The following PARVG variants were observed in gnomAD, a reference collection of about 807,000 sequenced individuals.
The protein encoded by PARVG is parvin gamma.
Under a neutral mutation model 44.4 loss-of-function variants are expected in PARVG, and 36 were observed. The observed-to-expected ratio is 0.81, with a 90% CI of 0.62 to 1.07. The LOEUF is 1.07. PARVG is among the 50% of genes least tolerant of loss of function. The pLI is 0.00. For missense variants in PARVG, 407 were observed against 407.4 expected, an observed-to-expected ratio of 1.00 and a Z score of 0.01; for synonymous variants, 170 against 174.1, an observed-to-expected ratio of 0.98 and a Z score of 0.19.
chr22:44,193,543 C>T (rs1420523562), intron 8 of PARVG, among the ~76,000 whole-genome samples: 8 of 152,070 alleles, frequency 5.3e-5, no homozygotes, highest in Admixed American at 2.6e-4. Context: ...GAACAGAACA[C>T]GAACAACAAA....
Position 44,182,513 on chromosome 22 carries a change from C to A in PARVG, c.-13+596C>A, listed in dbSNP as rs1194912553. ...CTGGTGTGACATGGGTGGCTCCAGT[C>A]GAGTGAATGCCTCCGTCTCCCACAG... On this transcript the variant is annotated intron_variant, in intron 2 of 13. Transcript: ENST00000444313. The surrounding 1 kb of genome is among the most constrained non-coding windows in gnomAD (Gnocchi z 4.6). Among the ~76,000 whole-genome samples the A allele has an allele frequency of 2.0e-5, 3 of 152,102 alleles. No individual in the cohort carries two copies. The highest frequency in any genetic ancestry group is 4.4e-5 in the Non-Finnish European group (3 of 67,996).
At chr22:44,186,867 G>A (rs1224072795) in intron 4 of PARVG, 8 of 352,734 alleles carry the variant, frequency 2.3e-5, no homozygotes, top group Admixed American at 3.6e-5. Context: ...CCCAAGGGGC[G>A]ATGGAGCTGG....
In PARVG at chr22:44,207,572, C is replaced by G. The variant is rs896394797; in HGVS notation, c.*1146C>G. 6.6e-5 allele frequency: 10 copies of G among 151,526 alleles called. No homozygotes were observed. The highest frequency in any genetic ancestry group is 4.6e-4 in the Admixed American group (7 of 15,204). 9.4% of individuals were successfully genotyped at this position (151,526 alleles called of 1,614,324 possible). A position where few individuals can be genotyped will look rare whatever the true frequency, so the allele number is the denominator to read the frequency against. ...TCCTCCCTGGACCCTGAAGAGGCCT[C>G]TGGGTCTGGGGTTTTCACAGTTTGA... is the stretch of plus-strand genomic sequence containing the variant. On this transcript the variant is annotated 3_prime_UTR_variant, in exon 14 of 14. Transcript: ENST00000444313.
At chr22:44,193,871 T>G in intron 9 of PARVG, 48 bp downstream of exon 9, 2 of 1,605,588 alleles carry the variant, frequency 1.2e-6, no homozygotes, top group Non-Finnish European at 1.7e-6. Flanking sequence ...CTGATGCGTG[T>G]TAATGCAGAC....
rs541208512 is a variant in PARVG at position 44,193,836 on chromosome 22, A to T, written c.583+13A>T. 2.5e-6 allele frequency: 4 copies of T among 1,614,142 alleles called. No individual in the cohort carries two copies. The African/African-American group carries it at 5.3e-5, about 22-fold the overall frequency. On this transcript the variant is annotated intron_variant, in intron 9 of 13. Transcript: ENST00000444313. Reference sequence around the variant, plus strand: ...GACGAGCCTCCAAGTGAGTACTTTCATCATTTTTGGAAATCTGTTCCTATC... The same window carrying T: ...GACGAGCCTCCAAGTGAGTACTTTCTTCATTTTTGGAAATCTGTTCCTATC...
chr22:44,173,121 A>C, exon 1 of PARVG: 1 of 1,288,940 alleles, frequency 7.8e-7, no homozygotes, highest in Non-Finnish European at 1.0e-6. Flanking sequence ...TTTGTGGGGG[A>C]TGGGACTTTG....
chr22:44,206,527 G>A lies in PARVG; in HGVS notation c.*101G>A, dbSNP rs1433967755. On this transcript the variant is annotated 3_prime_UTR_variant, in exon 14 of 14. Coordinates refer to ENST00000444313, the MANE Select transcript of PARVG (RefSeq NM_022141.7). The stretch of plus-strand genomic sequence containing the variant: ...CAGTCCCGCTGTTTCCTGTGCATTC[G>A]TGACCCGCTTCCCTCCCACCCTGTC... The A allele has an allele frequency of 2.1e-5, 21 of 1,000,346 alleles. No homozygotes were observed. Among genetic ancestry groups the A allele is most frequent in the Non-Finnish European group, 3.1e-5 (20 of 640,360 alleles). The allele number at this position is 1,000,346 out of a possible 1,614,324, so 62.0% of individuals were successfully genotyped here. A position where few individuals can be genotyped will look rare whatever the true frequency, so the allele number is the denominator to read the frequency against.
chr22:44,181,400 G>A, intron 1 of PARVG: 1 of 985,568 alleles, frequency 1.0e-6, no homozygotes, highest in Non-Finnish European at 1.2e-6. Flanking sequence ...TCCCGGGAGA[G>A]GAAGGGGCCT....
chr22:44,176,721 T>A (rs904363071), upstream of PARVG, among the ~76,000 whole-genome samples: 3 of 152,118 alleles, frequency 2.0e-5, no homozygotes, highest in African/African-American at 7.2e-5. Context: ...TACAAAGAGT[T>A]CCTATGTGTA....
chr22:44,183,409 G>T lies in PARVG; in HGVS notation c.79+1G>T, dbSNP rs779565498. The T allele has an allele frequency of 2.5e-6, 4 of 1,598,394 alleles. No homozygotes were observed. Among genetic ancestry groups the T allele is most frequent in the Non-Finnish European group, 3.4e-6 (4 of 1,174,900 alleles). On this transcript the variant is annotated splice_donor_variant, in intron 3 of 13. Coordinates refer to ENST00000444313, the MANE Select transcript of PARVG (RefSeq NM_022141.7). LOFTEE classifies it high-confidence loss of function. Reference sequence around the variant, plus strand: ...CCAGCGGAGGAGGAGCTCTCAAAAGGTGTGTGCCCACGCAGGTCTGAGGGT... The same window carrying T: ...CCAGCGGAGGAGGAGCTCTCAAAAGTTGTGTGCCCACGCAGGTCTGAGGGT...
chr22:44,176,301 A>G (rs1307249753), upstream of PARVG, among the ~76,000 whole-genome samples: 1 of 152,250 alleles, frequency 6.6e-6, no homozygotes, highest in African/African-American at 2.4e-5. Flanking sequence ...TAAATTACTT[A>G]TGATACCTAA....
chr22:44,203,825 G>A (rs2054743169), intron 12 of PARVG, among the ~76,000 whole-genome samples: 1 of 152,120 alleles, frequency 6.6e-6, no homozygotes. Context: ...ACCCCGCATT[G>A]GCCCCTGCAG....
chr22:44,183,148 AG>A, intron 2 of PARVG, 169 bp from the exon 3 acceptor site: 2 of 570,268 alleles, frequency 3.5e-6, no homozygotes, highest in Non-Finnish European at 6.0e-6. Flanking sequence ...GGTTGGCTCA[AG>A]GGCTCTTTCT....
rs771224475 is a variant in PARVG, at chr22:44,186,605, C to T, written c.144+733C>T. 13 of 471,246 alleles carry T rather than the reference C, an allele frequency of 2.8e-5. 1 individual carries two copies. Among genetic ancestry groups the T allele is most frequent in the South Asian group, 2.0e-4 (13 of 64,574 alleles). The allele number at this position is 471,246 out of a possible 1,614,324, so 29.2% of individuals were successfully genotyped here. Reference sequence around the variant, plus strand: ...ACCTGGCCCAGCCCTGTGACTGGCACTGGGGACACCATCTGTGGTCTTGCC... The same window carrying T: ...ACCTGGCCCAGCCCTGTGACTGGCATTGGGGACACCATCTGTGGTCTTGCC... On this transcript the variant is annotated intron_variant, in intron 4 of 13. Transcript: ENST00000444313.
In PARVG at chr22:44,185,523, A is replaced by G. The variant is rs5764592; in HGVS notation, c.80-285A>G. 0.15 allele frequency: 44,663 copies of G among 305,248 alleles called. 4,755 individuals are homozygous for G. Among genetic ancestry groups the G allele is most frequent in the East Asian group, 0.33 (4,216 of 12,906 alleles). The allele number at this position is 305,248 out of a possible 1,614,324, so 18.9% of individuals were successfully genotyped here. ...TCTGGCTGGGGTTTCACTTTACCTA[A>G]ATAGGTAGGGTTGCCAGATATATCA... On this transcript the variant is annotated intron_variant, in intron 3 of 13. Transcript: ENST00000444313.
chr22:44,206,506 C>T lies in PARVG; in HGVS notation c.*80C>T. Reference sequence around the variant, plus strand: ...AGGCTGCAGGGTGTCCTCCCACAGTCCCGCTGTTTCCTGTGCATTCGTGAC... The same window carrying T: ...AGGCTGCAGGGTGTCCTCCCACAGTTCCGCTGTTTCCTGTGCATTCGTGAC... On this transcript the variant is annotated 3_prime_UTR_variant, in exon 14 of 14. Transcript: ENST00000444313. 8.0e-7 allele frequency: 1 copy of T among 1,255,602 alleles called. No homozygotes were observed. The highest frequency in any genetic ancestry group is 1.8e-5 in the Admixed American group (1 of 55,800). 77.8% of individuals were successfully genotyped at this position (1,255,602 alleles called of 1,614,324 possible).
At chr22:44,195,108 A>G (rs953363980) in intron 9 of PARVG, among the ~76,000 whole-genome samples, 5 of 152,130 alleles carry the variant, frequency 3.3e-5, no homozygotes, top group African/African-American at 1.2e-4. Flanking sequence ...GGGCTGAGGA[A>G]GGCGGAGTTT....
chr22:44,194,228 G>T (rs968124714), intron 9 of PARVG, among the ~76,000 whole-genome samples: 5 of 152,166 alleles, frequency 3.3e-5, no homozygotes, highest in African/African-American at 2.4e-5. Flanking sequence ...TGGCAGTGAG[G>T]GTTAAAGGAG....
chr22:44,207,911 C>T lies in PARVG; in HGVS notation c.*1485C>T, dbSNP rs1010843109. ...TACCCACCCTACTTCCCGGCTGCCT[C>T]TGGGAAACGTGCATCCTCCCACACC... is the stretch of plus-strand genomic sequence containing the variant. On this transcript the variant is annotated 3_prime_UTR_variant, in exon 14 of 14. Transcript: ENST00000444313. The T allele has an allele frequency of 6.6e-6, 1 of 152,458 alleles. No homozygotes were observed. The highest frequency in any genetic ancestry group is 2.4e-5 in the African/African-American group (1 of 41,458). 9.4% of individuals were successfully genotyped at this position (152,458 alleles called of 1,614,324 possible).
Sources: gnomAD v4.1 joint callset for allele counts (sites outside exome capture counted in the v4.1 genomes callset) on GRCh38, gnomAD v4.1.1 for gene constraint, Gnocchi (gnomAD v3.1) non-coding constraint, MANE v1.5 for transcripts, NCBI Gene and HGNC (gene_info 2026-07-23, HGNC 2026-07-21) for gene names.